RADIL: variants seen among roughly 807,000 people sequenced by gnomAD.
RADIL encodes ras-associating and dilute domain-containing protein.
A neutral mutation model predicts 97.6 loss-of-function variants in RADIL; 99 were observed. The ratio of observed to expected loss-of-function variants is 1.01; its 90% CI spans 0.86 to 1.20. The LOEUF (loss-of-function observed/expected upper bound fraction) is 1.20, where lower values mean the gene tolerates loss of function less well. Among genes scored for constraint, RADIL ranks in the 50% most tolerant of loss-of-function variants. The pLI, the probability that RADIL is intolerant of heterozygous loss-of-function variation, is 0.00. For synonymous variants in RADIL, 803 were observed against 691.8 expected, an observed-to-expected ratio of 1.16 and a Z score of -2.52; for missense variants, 1,765 against 1,498.9, an observed-to-expected ratio of 1.18 and a Z score of -2.93.
chr7:4,802,087 C>T, intron 11 of RADIL, 92 bp from the exon 12 acceptor site: 1 of 1,124,796 alleles, frequency 8.9e-7, no homozygotes, highest in Non-Finnish European at 1.2e-6. Flanking sequence ...GAAGGGCCGC[C>T]AGGCCGCGGG....
intron 2 of RADIL, 114 bp from the exon 3 acceptor site, chr7:4,836,719 C>T: frequency 1.4e-6 from 2 of 1,422,828 alleles, no homozygotes; most frequent in Non-Finnish European, 1.9e-6. Flanking sequence ...GGGGGGATCG[C>T]CTGAGGTCAG....
At chr7:4,803,242 C>A (rs1372707067) in intron 11 of RADIL, among the ~76,000 whole-genome samples, 1 of 99,904 alleles carries the variant, frequency 1.0e-5, no homozygotes, top group Non-Finnish European at 1.9e-5. Flanking sequence ...TCCCCGGGCA[C>A]CTCAGGGCAC....
At chr7:4,847,739 CAAAAAAAAAAAA>C (rs56177809) in intron 2 of RADIL, among the ~76,000 whole-genome samples, 44 of 23,808 alleles carry the variant, frequency 1.8e-3, no homozygotes, top group East Asian at 0.01. Flanking sequence ...AAGCTAGATG[CAAAAAAAAAAAA>C]AAAAAAAAAA....
In RADIL at chr7:4,834,905, C is replaced by G. The variant is rs1269460783; in HGVS notation, c.1118G>C (p.Arg373Pro). 1 of 1,522,122 alleles carries G rather than the reference C, an allele frequency of 6.6e-7. No homozygotes were observed. Among genetic ancestry groups the G allele is most frequent in the South Asian group, 1.3e-5 (1 of 78,150 alleles). 94.3% of individuals were successfully genotyped at this position (1,522,122 alleles called of 1,614,324 possible). The change falls in exon 4 of 15, where the codon CGG becomes CCG. Residue 373 changes from arginine (R) to proline (P), a missense_variant. Physicochemically the swap from Arg to Pro is moderately radical, Grantham distance 103. Transcript: ENST00000399583. This position sits in a 1 kb window ranked among gnomAD's most constrained non-coding sequence, Gnocchi z 6.0. The part of the protein sequence containing the change: ...PLPARALARL[R>P]AVPQSCRLCG... ...CAGCCGGCAGCTCTGCGGCACAGCC[C>G]GGAGGCGCGCCAAGGCCCGGGCGGG... is the stretch of plus-strand genomic sequence containing the variant.
Position 4,837,219 on chromosome 7 carries a change from G to A in RADIL, c.536-614C>T, listed in dbSNP as rs555421895. On this transcript the variant is annotated intron_variant, in intron 2 of 14. Transcript: ENST00000399583. This position sits in a 1 kb window ranked among gnomAD's most constrained non-coding sequence, Gnocchi z 5.6. ...CTGCAGCAGCCCAGGGTCACACCGC[G>A]GCCTGCCCGACCAGCCAGCACCACG... 5.9e-5 allele frequency among the ~76,000 whole-genome samples: 9 copies of A among 152,242 alleles called. No individual in the cohort carries two copies. Among genetic ancestry groups the A allele is most frequent in the Non-Finnish European group, 1.0e-4 (7 of 68,004 alleles).
rs1373609154 is a variant in RADIL at position 4,799,639 on chromosome 7, C to T, written c.3113G>A (p.Gly1038Asp). The change falls in exon 14 of 15, where the codon GGC (glycine) becomes GAC (aspartate). Residue 1038 changes from glycine to aspartate, a missense_variant. Physicochemically the swap from Gly to Asp is moderately conservative, Grantham distance 94. Transcript: ENST00000399583. ...CATGCGGTGGGGGTACCTCAGGTAG[C>T]CAAGGCCCAGGAGGCTGCTGCCATT... Reference protein sequence around the residue: ...EVNGSSLLGLGYLRAVDLIRH... With the variant: ...EVNGSSLLGLDYLRAVDLIRH... 1.2e-6 allele frequency: 2 copies of T among 1,604,692 alleles called. No individual in the cohort carries two copies. Among genetic ancestry groups the T allele is most frequent in the East Asian group, 2.2e-5 (1 of 44,620 alleles).
intron 2 of RADIL, among the ~76,000 whole-genome samples, chr7:4,862,761 G>A (rs868166235): frequency 1.3e-5 from 2 of 152,066 alleles, no homozygotes; most frequent in African/African-American, 2.4e-5. Context: ...GCCGGGCGTG[G>A]TGGTGCATGC....
chr7:4,882,087 C>G (rs1158376251), intron 1 of RADIL: 3 of 150,282 alleles, frequency 2.0e-5, no homozygotes, highest in African/African-American at 5.0e-5. Context: ...CTTAAGCCCC[C>G]AGAAGTCCCT....
At chr7:4,862,644 T>C (rs1162867141) in intron 2 of RADIL, among the ~76,000 whole-genome samples, 1 of 152,192 alleles carries the variant, frequency 6.6e-6, no homozygotes, top group African/African-American at 2.4e-5. Context: ...CTCACGCCTG[T>C]AATCCCAGCA....
chr7:4,806,321 T>C (rs766152930), intron 9 of RADIL, among the ~76,000 whole-genome samples: 1 of 151,938 alleles, frequency 6.6e-6, no homozygotes, highest in Non-Finnish European at 1.5e-5. Context: ...AGCTCATTAG[T>C]TTTTTGTTTT....
chr7:4,845,760 C>A (rs1330059662), intron 2 of RADIL, among the ~76,000 whole-genome samples: 1 of 152,140 alleles, frequency 6.6e-6, no homozygotes, highest in African/African-American at 2.4e-5. Flanking sequence ...ACAACAATCG[C>A]GCTCTCTGAA....
rs1782934249 is a variant in RADIL at position 4,824,991 on chromosome 7, C to T, written c.1455-2437G>A. ...TGGCACTGAACGCGCCCCCACCTGC[C>T]AACCTGGGGCCATGTGAGTGGGGGC... On this transcript the variant is annotated intron_variant, in intron 5 of 14. Transcript: ENST00000399583. The surrounding 1 kb of genome is among the most constrained non-coding windows in gnomAD (Gnocchi z 6.7). Among the ~76,000 whole-genome samples, 1 of 152,200 alleles carries T rather than the reference C, an allele frequency of 6.6e-6. No homozygotes were observed.
At chr7:4,871,985 G>A (rs1334477135) in intron 2 of RADIL, among the ~76,000 whole-genome samples, 1 of 152,156 alleles carries the variant, frequency 6.6e-6, no homozygotes, top group Non-Finnish European at 1.5e-5. Flanking sequence ...CTGTCTCCAG[G>A]AACGCATGAA....
intron 2 of RADIL, among the ~76,000 whole-genome samples, chr7:4,841,740 T>A (rs962978639): frequency 1.1e-4 from 17 of 152,072 alleles, no homozygotes; most frequent in Non-Finnish European, 2.4e-4. Context: ...GGTCCCAGCC[T>A]CAGAAGCAAA....
At chr7:4,812,849 A>G (rs1375209234) in intron 9 of RADIL, among the ~76,000 whole-genome samples, 1 of 151,998 alleles carries the variant, frequency 6.6e-6, no homozygotes, top group East Asian at 1.9e-4. Flanking sequence ...TTGATTTGTC[A>G]TTCTCTTTCT....
rs1784346718 is a variant in RADIL, at chr7:4,875,200, AC to A, written c.535+2404del. On this transcript the variant is annotated intron_variant, in intron 2 of 14. Coordinates refer to ENST00000399583, the MANE Select transcript of RADIL (RefSeq NM_018059.5). The stretch of plus-strand genomic sequence containing the variant: ...GAGCGAGACTCCATCTCCAACAACA[AC>A]AACAACAACAACAACAACAACAACA... Among the ~76,000 whole-genome samples the A allele has an allele frequency of 3.0e-5, 2 of 67,690 alleles. 1 individual carries two copies. The highest frequency in any genetic ancestry group is 1.5e-4 in the African/African-American group (2 of 13,324). The allele number at this position is 67,690 out of a possible 152,430, so 44.4% of individuals were successfully genotyped here. A position where few individuals can be genotyped will look rare whatever the true frequency, so the allele number is the denominator to read the frequency against.
At chr7:4,802,462 C>T (rs1262574284) in intron 11 of RADIL, among the ~76,000 whole-genome samples, 1 of 144,700 alleles carries the variant, frequency 6.9e-6, no homozygotes, top group African/African-American at 2.6e-5. Context: ...CCGGGCACCT[C>T]GGGGCACGCT....
intron 9 of RADIL, chr7:4,808,910 C>G (rs914086973): frequency 1.1e-6 from 1 of 890,212 alleles, no homozygotes; most frequent in Non-Finnish European, 1.3e-6. Context: ...GACGCCACTG[C>G]CCCCCCACGT....
Position 4,815,203 on chromosome 7 carries a change from G to C in RADIL, c.2139+75C>G, listed in dbSNP as rs921189882. ...AAGCCCCGTCCCGGCCCCCAGGCTT[G>C]GTTTGTGAGCCAGGGACCCACAGCA... On this transcript the variant is annotated intron_variant, in intron 9 of 14. Coordinates refer to ENST00000399583, the MANE Select transcript of RADIL (RefSeq NM_018059.5). The surrounding 1 kb of genome is among the most constrained non-coding windows in gnomAD (Gnocchi z 8.0). 3 of 1,430,418 alleles carry C rather than the reference G, an allele frequency of 2.1e-6. No homozygotes were observed. The African/African-American group carries it at 4.3e-5, about 21-fold the overall frequency. The allele number at this position is 1,430,418 out of a possible 1,614,324, so 88.6% of individuals were successfully genotyped here. A position where few individuals can be genotyped will look rare whatever the true frequency, so the allele number is the denominator to read the frequency against.
Sources: allele counts gnomAD v4.1 joint callset (sites outside exome capture counted in the v4.1 genomes callset), GRCh38; gene constraint gnomAD v4.1.1; non-coding constraint Gnocchi (gnomAD v3.1); transcripts MANE v1.5; gene names NCBI Gene and HGNC (gene_info 2026-07-23, HGNC 2026-07-21).